RICTOR: variants seen among roughly 807,000 people sequenced by gnomAD.
RICTOR encodes RPTOR independent companion of MTOR complex 2, also known as rapamycin-insensitive companion of mTOR.
In RICTOR, 49 loss-of-function variants were observed where a neutral mutation model predicts 214.9. The observed-to-expected ratio is 0.23, with a 90% CI of 0.18 to 0.29. The LOEUF (loss-of-function observed/expected upper bound fraction) is 0.29, where lower values mean the gene tolerates loss of function less well. Among genes scored for constraint, RICTOR ranks in the 10% least tolerant of loss-of-function variants. The pLI, the probability that RICTOR is intolerant of heterozygous loss-of-function variation, is 1.00. For synonymous variants in RICTOR, 717 were observed against 711.3 expected (o/e 1.01, Z -0.13); for missense variants, 1,625 against 2,047.0 (o/e 0.79, Z 3.98).
At chr5:39,058,638 T>C (rs751719385) in intron 2 of RICTOR, among the ~76,000 whole-genome samples, 2 of 152,116 alleles carry the variant, frequency 1.3e-5, no homozygotes, top group African/African-American at 2.4e-5. Flanking sequence ...CTTTTCAACT[T>C]TGATGCACAA....
In RICTOR at chr5:38,959,330, A is replaced by G. The variant is rs1749585371; in HGVS notation, c.2052-9T>C. The G allele has an allele frequency of 2.4e-6, 3 of 1,238,982 alleles. No homozygotes were observed. Among genetic ancestry groups the G allele is most frequent in the Non-Finnish European group, 2.2e-6 (2 of 904,264 alleles). 76.7% of individuals were successfully genotyped at this position (1,238,982 alleles called of 1,614,324 possible). Reference sequence around the variant, plus strand: ...AGCAAAGATTAAGGAGACTTAAAAGAAAAAAAAAATAAGAATGGTTAAAAG... The same window carrying G: ...AGCAAAGATTAAGGAGACTTAAAAGGAAAAAAAAATAAGAATGGTTAAAAG... On this transcript the variant is annotated splice_polypyrimidine_tract_variant and intron_variant, in intron 21 of 37. Transcript: ENST00000357387.
intron 3 of RICTOR, among the ~76,000 whole-genome samples, chr5:39,020,773 T>C (rs1755359820): frequency 6.6e-6 from 1 of 152,228 alleles, no homozygotes; most frequent in Non-Finnish European, 1.5e-5. Flanking sequence ...TACATCCTTA[T>C]GTGAATAAAA....
chr5:38,949,423 C>G, intron 31 of RICTOR: 1 of 1,590,270 alleles, frequency 6.3e-7, no homozygotes, highest in Non-Finnish European at 8.5e-7. Context: ...TTTTTAAAAT[C>G]GATCCTTGCA....
intron 7 of RICTOR, among the ~76,000 whole-genome samples, chr5:38,985,664 G>C (rs989969895): frequency 1.3e-5 from 2 of 150,330 alleles, no homozygotes; most frequent in Non-Finnish European, 3.0e-5. Flanking sequence ...TTTTTTCCCT[G>C]TTTAGCCCTT....
chr5:38,944,830 A>T, intron 35 of RICTOR, 83 bp downstream of exon 35: 1 of 1,305,772 alleles, frequency 7.7e-7, no homozygotes, highest in Non-Finnish European at 1.1e-6. Flanking sequence ...ACTTTAATTT[A>T]CAGTATTTAC....
intron 36 of RICTOR, chr5:38,944,177 G>A: frequency 1.9e-6 from 1 of 528,480 alleles, no homozygotes; most frequent in Non-Finnish European, 3.6e-6. Context: ...TGAGAAGAGT[G>A]GCATTATTTT....
intron 2 of RICTOR, among the ~76,000 whole-genome samples, chr5:39,037,594 G>C (rs1369373987): frequency 6.6e-6 from 1 of 152,122 alleles, no homozygotes; most frequent in Non-Finnish European, 1.5e-5. Flanking sequence ...GAAGAAAAGA[G>C]AGAAGAATCA....
intron 16 of RICTOR, 48 bp from the exon 17 acceptor site, chr5:38,963,089 T>A (rs769153963): frequency 7.7e-7 from 1 of 1,303,096 alleles, no homozygotes; most frequent in South Asian, 1.6e-5. Flanking sequence ...ACCAATATAA[T>A]TTAAGAGATT....
rs2150030944 is a variant in RICTOR, at chr5:38,966,633, A to T, written c.1299+8T>A. On this transcript the variant is annotated splice_region_variant and intron_variant, in intron 15 of 37. Coordinates refer to ENST00000357387, the MANE Select transcript of RICTOR (RefSeq NM_152756.5). ...ATGAAACATATAATCAGAAGTTGCT[A>T]AACTTACCATATGTAAAAGCTCTCC... The T allele has an allele frequency of 7.0e-7, 1 of 1,419,806 alleles. No individual in the cohort carries two copies. Among genetic ancestry groups the T allele is most frequent in the Non-Finnish European group, 9.9e-7 (1 of 1,012,982 alleles). 88.0% of individuals were successfully genotyped at this position (1,419,806 alleles called of 1,614,324 possible). A position where few individuals can be genotyped will look rare whatever the true frequency, so the allele number is the denominator to read the frequency against.
chr5:38,987,886 A>G (rs1437282638), intron 7 of RICTOR, among the ~76,000 whole-genome samples: 1 of 152,140 alleles, frequency 6.6e-6, no homozygotes, highest in Non-Finnish European at 1.5e-5. Context: ...GCTGTGTCCC[A>G]GAGATTCTGG....
chr5:39,046,028 A>AAAATAAATAAATAAATAAAT (rs141969707), intron 2 of RICTOR, among the ~76,000 whole-genome samples: 3,186 of 140,214 alleles, frequency 0.023, 55 homozygotes, highest in Non-Finnish European at 0.027. Flanking sequence ...TCTGTCTTTA[A>AAAATAAATAAATAAATAAAT]AAATAAATAA....
intron 2 of RICTOR, among the ~76,000 whole-genome samples, chr5:39,024,827 CA>C (rs1272625373): frequency 6.6e-6 from 1 of 152,182 alleles, no homozygotes; most frequent in Non-Finnish European, 1.5e-5. Context: ...TGATTGCAGA[CA>C]TTTTTTTAAA....
Position 38,941,274 on chromosome 5 carries a change from G to A in RICTOR, c.*1030C>T, listed in dbSNP as rs1237430250. 1 of 232,158 alleles carries A rather than the reference G, an allele frequency of 4.3e-6. No homozygotes were observed. The highest frequency in any genetic ancestry group is 8.5e-6 in the Non-Finnish European group (1 of 117,282). 14.4% of individuals were successfully genotyped at this position (232,158 alleles called of 1,614,324 possible). A position where few individuals can be genotyped will look rare whatever the true frequency, so the allele number is the denominator to read the frequency against. Reference sequence around the variant, plus strand: ...TTAAGTTACTGCTGCTTTAAAATTTGGTACTTAAGGCTTTTCACTACAATT... The same window carrying A: ...TTAAGTTACTGCTGCTTTAAAATTTAGTACTTAAGGCTTTTCACTACAATT... On this transcript the variant is annotated 3_prime_UTR_variant, in exon 38 of 38. Coordinates refer to ENST00000357387, the MANE Select transcript of RICTOR (RefSeq NM_152756.5).
intron 2 of RICTOR, among the ~76,000 whole-genome samples, chr5:39,055,973 G>A (rs1416187697): frequency 1.3e-5 from 2 of 152,166 alleles, no homozygotes; most frequent in Non-Finnish European, 2.9e-5. Context: ...CAAGGAACGA[G>A]GTTAAGATGT....
At chr5:39,028,848 C>T (rs1047662631) in intron 2 of RICTOR, among the ~76,000 whole-genome samples, 6 of 152,078 alleles carry the variant, frequency 3.9e-5, no homozygotes, top group African/African-American at 1.4e-4. Flanking sequence ...CAGTGAGCTA[C>T]GAATGTGCCA....
chr5:39,037,925 T>A (rs968725992), intron 2 of RICTOR, among the ~76,000 whole-genome samples: 2 of 152,178 alleles, frequency 1.3e-5, no homozygotes, highest in Non-Finnish European at 2.9e-5. Context: ...TCTGAAACTA[T>A]TCCAATCAAT....
intron 7 of RICTOR, among the ~76,000 whole-genome samples, chr5:38,989,767 C>T (rs966339804): frequency 2.0e-5 from 3 of 152,172 alleles, no homozygotes; most frequent in African/African-American, 7.2e-5. Flanking sequence ...TACCACTGGT[C>T]ATTAAAGAAA....
intron 2 of RICTOR, among the ~76,000 whole-genome samples, chr5:39,067,248 A>G (rs1021217536): frequency 1.3e-5 from 2 of 152,204 alleles, no homozygotes; most frequent in Admixed American, 1.3e-4. Flanking sequence ...TGGAAGGTGA[A>G]GCAGGAGTAG....
At chr5:38,966,837 G>A (rs1750272661) in intron 14 of RICTOR, 116 bp from the exon 15 acceptor site, 1 of 597,766 alleles carries the variant, frequency 1.7e-6, no homozygotes, top group Admixed American at 3.3e-5. Context: ...GGCTTGCTCT[G>A]TTGCCCAGGC....
Sources: allele counts gnomAD v4.1 joint callset (sites outside exome capture counted in the v4.1 genomes callset), GRCh38; gene constraint gnomAD v4.1.1; transcripts MANE v1.5; gene names NCBI Gene and HGNC (gene_info 2026-07-23, HGNC 2026-07-21).